MYL4: variants seen among roughly 807,000 people sequenced by gnomAD.
MYL4 encodes the protein atrial myosin light chain 1.
A neutral mutation model predicts 21.6 loss-of-function variants in MYL4; 16 were observed. That is an observed-to-expected ratio of 0.74 (90% CI 0.50 to 1.12). The LOEUF is 1.12. MYL4 is among the 50% of genes most tolerant of loss of function. The pLI is 0.00. For synonymous variants in MYL4, 82 were observed against 95.7 expected (o/e 0.86, Z 0.83); for missense variants, 249 against 252.9 (o/e 0.98, Z 0.11).
chr17:47,224,938 T>C (rs780133509), downstream of MYL4, among the ~76,000 whole-genome samples: 4 of 151,972 alleles, frequency 2.6e-5, no homozygotes, highest in Non-Finnish European at 5.9e-5. Flanking sequence ...AACCAGCAAT[T>C]GGGAAGAAGG....
At chr17:47,197,509 G>A (rs995042736), upstream of MYL4, among the ~76,000 whole-genome samples, 4 of 152,142 alleles carry the variant, frequency 2.6e-5, no homozygotes, top group African/African-American at 9.7e-5. Flanking sequence ...TATGACTAGG[G>A]CGCCTAGGGC....
At chr17:47,197,024 G>A (rs909382629), upstream of MYL4, among the ~76,000 whole-genome samples, 20 of 148,596 alleles carry the variant, frequency 1.3e-4, no homozygotes, top group African/African-American at 4.8e-4. Context: ...TAAACATGAT[G>A]CTTTTTTTTT....
chr17:47,199,358 C>G (rs2149037436), upstream of MYL4, among the ~76,000 whole-genome samples: 1 of 150,652 alleles, frequency 6.6e-6, no homozygotes, highest in Middle Eastern at 3.4e-3. Flanking sequence ...GAATTTGGGA[C>G]TGGAGAGAGA....
At chr17:47,207,378 T>C (rs961430491), upstream of MYL4, among the ~76,000 whole-genome samples, 11 of 152,178 alleles carry the variant, frequency 7.2e-5, no homozygotes, top group African/African-American at 2.7e-4. Flanking sequence ...TGAGGCAACT[T>C]CAACGTTTCC....
chr17:47,209,589 G>A (rs1407918249), intron 1 of MYL4, 32 bp downstream of exon 1: 1 of 1,614,214 alleles, frequency 6.2e-7, no homozygotes, highest in Admixed American at 1.7e-5. Flanking sequence ...GGATAGAGGT[G>A]GGGATGACAT....
chr17:47,223,080 G>T (rs200546187), intron 6 of MYL4, 23 bp downstream of exon 6: 36 of 1,613,416 alleles, frequency 2.2e-5, no homozygotes, highest in Non-Finnish European at 3.0e-5. Flanking sequence ...TCTCCCTCCT[G>T]GTCCCTTCCG....
At chr17:47,214,261 CTAAGA>C (rs1251291192) in intron 2 of MYL4, among the ~76,000 whole-genome samples, 2 of 152,146 alleles carry the variant, frequency 1.3e-5, no homozygotes, top group Admixed American at 6.5e-5. Context: ...AAAGATCTAT[CTAAGA>C]TATTTGGAAG....
At chr17:47,218,757 A>G (rs2064833044) in intron 2 of MYL4, among the ~76,000 whole-genome samples, 1 of 152,256 alleles carries the variant, frequency 6.6e-6, no homozygotes, top group Non-Finnish European at 1.5e-5. Context: ...ACTGTACTCC[A>G]GCCTGGGTGA....
intron 2 of MYL4, 177 bp downstream of exon 2, chr17:47,214,003 G>T: frequency 3.0e-6 from 2 of 671,208 alleles, no homozygotes; most frequent in Non-Finnish European, 5.3e-6. Context: ...CACTTTATAT[G>T]GATTAACTCC....
chr17:47,195,229 A>AT, the MYL4 span, among the ~76,000 whole-genome samples: 2,426 of 116,872 alleles, frequency 0.021, 79 homozygotes, highest in African/African-American at 0.065. Context: ...CAGTGGGCTA[A>AT]TTTTTTTTTT....
intron 1 of MYL4, among the ~76,000 whole-genome samples, chr17:47,204,020 A>G (rs2064718486): frequency 6.6e-6 from 1 of 152,250 alleles, no homozygotes; most frequent in Non-Finnish European, 1.5e-5. Flanking sequence ...TTAGAGGGCT[A>G]AGGAGGGGGA....
At chr17:47,189,773 C>G in the MYL4 span, among the ~76,000 whole-genome samples, 1 of 152,190 alleles carries the variant, frequency 6.6e-6, no homozygotes, top group Non-Finnish European at 1.5e-5. Flanking sequence ...TATCTACTCA[C>G]GGCTCTGGGG....
chr17:47,197,092 G>GTTTTTT (rs71365051), upstream of MYL4, among the ~76,000 whole-genome samples: 5 of 113,372 alleles, frequency 4.4e-5, no homozygotes, highest in African/African-American at 7.4e-5. Flanking sequence ...TCCTTAAAGG[G>GTTTTTT]TTTTTTTTTT....
At chr17:47,203,386 T>C (rs2064716364) in intron 1 of MYL4, among the ~76,000 whole-genome samples, 1 of 152,190 alleles carries the variant, frequency 6.6e-6, no homozygotes, top group African/African-American at 2.4e-5. Context: ...TGTTTTTCAA[T>C]TCCCTAATTT....
rs752796010 is a variant in MYL4, at chr17:47,221,805, G to A, written c.437G>A (p.Ser146Asn). The change falls in exon 4 of 7, where the codon AGC becomes AAC. Residue 146 changes from serine (S) to asparagine (N), a missense_variant. By Grantham distance (46) the Ser-to-Asn change is conservative (BLOSUM62 1). Coordinates refer to ENST00000393450, the MANE Select transcript of MYL4 (RefSeq NM_002476.2). ...VEGLRVFDKE[S>N]NGTVMGAELR... ...GGCCTGCGTGTCTTTGACAAGGAGA[G>A]CAATGGCACGGTCATGGGTGCTGAG... is the stretch of plus-strand genomic sequence containing the variant. 5 of 1,614,032 alleles carry A rather than the reference G, an allele frequency of 3.1e-6. No individual in the cohort carries two copies. The highest frequency in any genetic ancestry group is 3.4e-6 in the Non-Finnish European group (4 of 1,180,010).
chr17:47,208,590 G>C (rs57201972), upstream of MYL4, among the ~76,000 whole-genome samples: 748 of 136,196 alleles, frequency 5.5e-3, 2 homozygotes, highest in African/African-American at 0.02. Flanking sequence ...CACACACACA[G>C]AGCACAGAAT....
the MYL4 span, among the ~76,000 whole-genome samples, chr17:47,189,620 T>C: frequency 1.3e-5 from 2 of 152,230 alleles, no homozygotes; most frequent in East Asian, 3.8e-4. Context: ...GGCTGCAGTG[T>C]GGATTAGCCC....
chr17:47,206,699 CTGTTGAACA>C (rs1301751206), upstream of MYL4, among the ~76,000 whole-genome samples: 1 of 152,160 alleles, frequency 6.6e-6, no homozygotes, highest in African/African-American at 2.4e-5. Context: ...TCTCAGGATT[CTGTTGAACA>C]TGGTTTGAAA....
At chr17:47,213,016 A>G (rs994099510) in intron 1 of MYL4, among the ~76,000 whole-genome samples, 1 of 152,132 alleles carries the variant, frequency 6.6e-6, no homozygotes, top group Non-Finnish European at 1.5e-5. Context: ...GTGGATTTAA[A>G]ATCAGAATCA....
Sources: gnomAD v4.1 joint callset for allele counts (sites outside exome capture counted in the v4.1 genomes callset) on GRCh38, gnomAD v4.1.1 for gene constraint, MANE v1.5 for transcripts, NCBI Gene and HGNC (gene_info 2026-07-23, HGNC 2026-07-21) for gene names.